POLR2B: variants seen among roughly 807,000 people sequenced by gnomAD.
The protein encoded by POLR2B is DNA-directed RNA polymerase II subunit RPB2.
Under a neutral mutation model 144.6 loss-of-function variants are expected in POLR2B, and 57 were observed. The observed-to-expected ratio is 0.39, with a 90% CI of 0.32 to 0.49. The LOEUF is 0.49. POLR2B is among the 20% of genes least tolerant of loss of function. The pLI is 0.83. For synonymous variants in POLR2B, 442 were observed against 469.8 expected (o/e 0.94, Z 0.77); for missense variants, 595 against 1,467.4 (o/e 0.41, Z 9.71).
chr4:57,019,544 C>T (rs1489420484), intron 16 of POLR2B, among the ~76,000 whole-genome samples: 1 of 152,114 alleles, frequency 6.6e-6, no homozygotes, highest in Non-Finnish European at 1.5e-5. Flanking sequence ...CATTTTACCA[C>T]ATTTGCTCTA....
intron 10 of POLR2B, chr4:57,009,812 T>C (rs1034816180): frequency 2.0e-5 from 3 of 152,172 alleles, no homozygotes; most frequent in South Asian, 2.1e-4. Flanking sequence ...ATTAATAATA[T>C]AGAGCTTGAG....
chr4:56,993,124 T>G (rs941696698), intron 3 of POLR2B, among the ~76,000 whole-genome samples: 4 of 151,534 alleles, frequency 2.6e-5, no homozygotes, highest in Admixed American at 1.3e-4. Flanking sequence ...GCCAGCTTGG[T>G]GAAGCCCCAT....
intron 21 of POLR2B, 27 bp downstream of exon 21, chr4:57,024,139 A>T (rs1247952915): frequency 1.7e-6 from 2 of 1,180,182 alleles, no homozygotes; most frequent in Non-Finnish European, 2.5e-6. Context: ...AAAAATATAG[A>T]TTCTAAGCTG....
chr4:57,026,226 A>G (rs1477611552), intron 23 of POLR2B, among the ~76,000 whole-genome samples: 1 of 152,086 alleles, frequency 6.6e-6, no homozygotes, highest in Non-Finnish European at 1.5e-5. Context: ...TGACAGAGTG[A>G]GACTTCATCT....
intron 16 of POLR2B, among the ~76,000 whole-genome samples, chr4:57,018,231 C>G (rs1723429666): frequency 6.6e-6 from 1 of 152,022 alleles, no homozygotes; most frequent in Non-Finnish European, 1.5e-5. Flanking sequence ...GGAAGTAATA[C>G]AATTAGAAAT....
At chr4:56,996,477 G>A (rs1242142441) in intron 6 of POLR2B, among the ~76,000 whole-genome samples, 1 of 150,630 alleles carries the variant, frequency 6.6e-6, no homozygotes, top group Admixed American at 6.6e-5. Flanking sequence ...GTAGAGATGG[G>A]GTTTCACCGT....
chr4:56,986,553 A>G (rs1722340789), intron 2 of POLR2B, 127 bp downstream of exon 2: 1 of 536,480 alleles, frequency 1.9e-6, no homozygotes, highest in East Asian at 3.1e-5. Context: ...TATATTTAAC[A>G]TTTTAAGTAT....
Position 57,005,437 on chromosome 4 carries a change from C to A in POLR2B, c.1092C>A (p.Phe364Leu). ...SDFCETKKAY[F>L]LGYMVHRLLL... Reference sequence around the variant, plus strand: ...TTTGTGAGACCAAAAAAGCCTATTTCTTGGGGTATGTTAAGTTTCATTGTT... The same window carrying A: ...TTTGTGAGACCAAAAAAGCCTATTTATTGGGGTATGTTAAGTTTCATTGTT... Residue 364 changes from phenylalanine to leucine, a missense_variant, in exon 8 of 25, where the codon TTC becomes TTA. Phe to Leu is a conservative substitution (Grantham distance 22). This residue lies in a region of POLR2B where 251 missense variants were observed against 567.3 expected (regional missense o/e 0.44). Coordinates refer to ENST00000314595, the MANE Select transcript of POLR2B (RefSeq NM_000938.3). 1 of 1,575,096 alleles carries A rather than the reference C, an allele frequency of 6.3e-7. No individual in the cohort carries two copies. Among genetic ancestry groups the A allele is most frequent in the South Asian group, 1.2e-5 (1 of 83,662 alleles).
At chr4:57,018,433 G>A (rs1347579567) in intron 16 of POLR2B, among the ~76,000 whole-genome samples, 2 of 152,164 alleles carry the variant, frequency 1.3e-5, no homozygotes, top group Non-Finnish European at 2.9e-5. Context: ...GACTGGTTGA[G>A]TGTGGAGCAA....
chr4:56,980,438 G>T (rs1722120994), intron 1 of POLR2B, among the ~76,000 whole-genome samples: 1 of 152,108 alleles, frequency 6.6e-6, no homozygotes, highest in South Asian at 2.1e-4. Flanking sequence ...GTTAAAGTGG[G>T]GTGGCTGGTG....
intron 14 of POLR2B, among the ~76,000 whole-genome samples, chr4:57,015,987 G>A (rs1723353874): frequency 6.6e-6 from 1 of 152,094 alleles, no homozygotes; most frequent in Non-Finnish European, 1.5e-5. Flanking sequence ...TTGAACTCCT[G>A]GTCTCAGGTG....
At chr4:57,014,892 G>A (rs558534715) in intron 13 of POLR2B, among the ~76,000 whole-genome samples, 4 of 152,128 alleles carry the variant, frequency 2.6e-5, no homozygotes, top group African/African-American at 7.2e-5. Context: ...ACTATTTTAC[G>A]TTCTTTTTTT....
intron 2 of POLR2B, among the ~76,000 whole-genome samples, chr4:56,989,424 C>T (rs977889567): frequency 1.3e-5 from 2 of 152,204 alleles, no homozygotes; most frequent in African/African-American, 4.8e-5. Flanking sequence ...TCATACCTTA[C>T]ACATGTGTGA....
rs901626883 is a variant in POLR2B, at chr4:57,017,912, A to G, written c.2323+184A>G. On this transcript the variant is annotated intron_variant, in intron 16 of 24. Transcript: ENST00000314595. This position sits in a 1 kb window ranked among gnomAD's most constrained non-coding sequence, Gnocchi z 4.8. ...TGGAAAGTGTTTTGGTGGAGGTACA[A>G]AGTCCTTTGGAAGCACAGACTGATG... Among the ~76,000 whole-genome samples, 2 of 152,232 alleles carry G rather than the reference A, an allele frequency of 1.3e-5. No individual in the cohort carries two copies. The highest frequency in any genetic ancestry group is 4.8e-5 in the African/African-American group (2 of 41,454).
In POLR2B at chr4:57,031,040, A is replaced by G. The variant is rs1223457198; in HGVS notation, c.*52A>G. On this transcript the variant is annotated 3_prime_UTR_variant, in exon 25 of 25. Coordinates refer to ENST00000314595, the MANE Select transcript of POLR2B (RefSeq NM_000938.3). Reference sequence around the variant, plus strand: ...TTAAATATCTTGGTGTCTTGTTTCTATTGTGTGGCTTTTTAAAAATGACAA... The same window carrying G: ...TTAAATATCTTGGTGTCTTGTTTCTGTTGTGTGGCTTTTTAAAAATGACAA... 5.3e-6 allele frequency: 6 copies of G among 1,121,830 alleles called. No homozygotes were observed. Among genetic ancestry groups the G allele is most frequent in the Non-Finnish European group, 5.5e-6 (4 of 733,106 alleles). 69.5% of individuals were successfully genotyped at this position (1,121,830 alleles called of 1,614,324 possible). A position where few individuals can be genotyped will look rare whatever the true frequency, so the allele number is the denominator to read the frequency against.
intron 13 of POLR2B, among the ~76,000 whole-genome samples, chr4:57,014,351 G>A (rs1035117441): frequency 4.0e-5 from 6 of 150,756 alleles, no homozygotes; most frequent in African/African-American, 1.2e-4. Context: ...ACACCACCAC[G>A]CCCAGATAAT....
Position 57,010,477 on chromosome 4 carries a change from A to G in POLR2B, c.1521A>G (p.Gly507=). Residue 507 remains glycine, a synonymous_variant, in exon 11 of 25, where the codon GGA becomes GGG. Coordinates refer to ENST00000314595, the MANE Select transcript of POLR2B (RefSeq NM_000938.3). Reference sequence around the variant, plus strand: ...GACAGTTGCATAATACGTTGTGGGGAATGGTGTGTCCTGCCGAGACCCCAG... The same window carrying G: ...GACAGTTGCATAATACGTTGTGGGGGATGGTGTGTCCTGCCGAGACCCCAG... ...KPRQLHNTLW[G]MVCPAETPEG... The G allele has an allele frequency of 6.2e-7, 1 of 1,613,832 alleles. No homozygotes were observed. The highest frequency in any genetic ancestry group is 8.5e-7 in the Non-Finnish European group (1 of 1,179,904).
intron 21 of POLR2B, 42 bp from the exon 22 acceptor site, chr4:57,024,844 A>C: frequency 2.0e-6 from 2 of 1,004,436 alleles, no homozygotes; most frequent in Non-Finnish European, 3.1e-6. Context: ...AGGGGGAGAC[A>C]GACTGAAGCA....
intron 16 of POLR2B, among the ~76,000 whole-genome samples, chr4:57,020,085 G>A (rs1200824490): frequency 6.6e-6 from 1 of 152,158 alleles, no homozygotes; most frequent in Non-Finnish European, 1.5e-5. Flanking sequence ...CCAGGCTGGA[G>A]TGCAGTGGCA....
Sources: gnomAD v4.1 joint callset for allele counts (sites outside exome capture counted in the v4.1 genomes callset) on GRCh38, gnomAD v4.1.1 for gene constraint, gnomAD v4.1.1 regional missense constraint, Gnocchi (gnomAD v3.1) non-coding constraint, MANE v1.5 for transcripts, NCBI Gene and HGNC (gene_info 2026-07-23, HGNC 2026-07-21) for gene names.